Variants in LRIT2 observed in about 807,000 individuals in gnomAD.
The protein encoded by LRIT2 is leucine-rich repeat, immunoglobulin-like domain and transmembrane domain-containing protein 2.
A neutral mutation model predicts 22.4 loss-of-function variants in LRIT2; 23 were observed. That is an observed-to-expected ratio of 1.03 (90% CI 0.74 to 1.45). The LOEUF is 1.45. Among genes scored for constraint, LRIT2 ranks in the 40% most tolerant of loss-of-function variants. The pLI, the probability that LRIT2 is intolerant of heterozygous loss-of-function variation, is 0.00. For missense variants in LRIT2, 784 were observed against 665.6 expected, an observed-to-expected ratio of 1.18 and a Z score of -1.96; for synonymous variants, 291 against 267.1, an observed-to-expected ratio of 1.09 and a Z score of -0.87.
In LRIT2 at chr10:84,224,830, A is replaced by C. The variant is rs1019255417; in HGVS notation, c.395T>G (p.Leu132Trp). The change falls in exon 2 of 3, where the codon TTG (leucine) becomes TGG (tryptophan). Residue 132 changes from leucine to tryptophan, a missense_variant. Transcript: ENST00000372113. ...ATCAATCTTGTTGCGTTTGAGATCC[A>C]AGACCCTCAGGAGAGGGGTGGCACG... ...AFRATPLLRV[L>W]DLKRNKIDAL... 2 of 1,614,136 alleles carry C rather than the reference A, an allele frequency of 1.2e-6. No homozygotes were observed. The highest frequency in any genetic ancestry group is 1.7e-5 in the Admixed American group (1 of 60,016).
At chr10:84,225,275 A>G in intron 1 of LRIT2, 136 bp downstream of exon 1, 1 of 1,237,624 alleles carries the variant, frequency 8.1e-7, no homozygotes, top group Non-Finnish European at 1.1e-6. Context: ...AGTTCAGCAA[A>G]GTTCAGTCCC....
rs746829550 is a variant in LRIT2 at position 84,224,848 on chromosome 10, G to C, written c.377C>G (p.Thr126Ser). The C allele has an allele frequency of 6.2e-7, 1 of 1,614,136 alleles. No individual in the cohort carries two copies. The highest frequency in any genetic ancestry group is 8.5e-7 in the Non-Finnish European group (1 of 1,180,042). The part of the protein sequence containing the change: ...CSVPWTAFRA[T>S]PLLRVLDLKR... ...GAGATCCAAGACCCTCAGGAGAGGG[G>C]TGGCACGGAACGCTGTCCATGGTAC... Residue 126 changes from threonine to serine, a missense_variant, in exon 2 of 3, where the codon ACC becomes AGC. By Grantham distance (58) the Thr-to-Ser change is moderately conservative. Coordinates refer to ENST00000372113, the MANE Select transcript of LRIT2 (RefSeq NM_001017924.5).
rs749914729 is a variant in LRIT2 at position 84,224,905 on chromosome 10, T to A, written c.320A>T (p.Glu107Val). Residue 107 changes from glutamate (E) to valine (V), a missense_variant, in exon 2 of 3, where the codon GAG becomes GTG. Coordinates refer to ENST00000372113, the MANE Select transcript of LRIT2 (RefSeq NM_001017924.5). ...GALEHLPELR[E>V]LRLEGNKLCS... ...GAGCTTGTTCCCCTCCAGTCTCAGCTCCCTCAGTTCTGGCAGGTGTTCCAG... is the reference window on the plus strand; with the variant it reads ...GAGCTTGTTCCCCTCCAGTCTCAGCACCCTCAGTTCTGGCAGGTGTTCCAG... The A allele has an allele frequency of 6.2e-7, 1 of 1,614,088 alleles. No individual in the cohort carries two copies. Among genetic ancestry groups the A allele is most frequent in the South Asian group, 1.1e-5 (1 of 91,080 alleles).
rs138269963 is a variant in LRIT2 at position 84,224,845 on chromosome 10, G to A, written c.380C>T (p.Pro127Leu). The A allele has an allele frequency of 5.0e-6, 8 of 1,613,960 alleles. No individual in the cohort carries two copies. Among genetic ancestry groups the A allele is most frequent in the African/African-American group, 4.0e-5 (3 of 74,892 alleles). ...TTTGAGATCCAAGACCCTCAGGAGA[G>A]GGGTGGCACGGAACGCTGTCCATGG... ...SVPWTAFRAT[P>L]LLRVLDLKRN... The change falls in exon 2 of 3, where the codon CCT (proline) becomes CTT (leucine). Residue 127 changes from proline to leucine, a missense_variant. Pro to Leu is a moderately conservative substitution (Grantham distance 98, BLOSUM62 -3). Coordinates refer to ENST00000372113, the MANE Select transcript of LRIT2 (RefSeq NM_001017924.5).
At position 84,221,526 on chromosome 10, in the gene LRIT2, T is replaced by G. The variant is rs1842504834; in HGVS notation, c.*394A>C. 6.4e-6 allele frequency: 1 copy of G among 155,416 alleles called. No individual in the cohort carries two copies. The allele number at this position is 155,416 out of a possible 1,614,324, so 9.6% of individuals were successfully genotyped here. On this transcript the variant is annotated 3_prime_UTR_variant, in exon 3 of 3. Coordinates refer to ENST00000372113, the MANE Select transcript of LRIT2 (RefSeq NM_001017924.5). ...TGTCCAGGCTGCAGTTTTTCACCTA[T>G]AAAAAGTGGGTAGAAGTCTACCTTC...
At position 84,224,550 on chromosome 10, in the gene LRIT2, C is replaced by T. The variant is rs912332942; in HGVS notation, c.675G>A (p.Val225=). The T allele has an allele frequency of 6.2e-7, 1 of 1,614,002 alleles. No individual in the cohort carries two copies. Among genetic ancestry groups the T allele is most frequent in the South Asian group, 1.1e-5 (1 of 91,054 alleles). Residue 225 remains valine, a synonymous_variant, in exon 2 of 3, where the codon GTG becomes GTA. Transcript: ENST00000372113. ...GGCCCTGACATATCAGGTAGGAATT[C>T]ACCAGGATGACTGGGAGGGTAATGG... ...VKSITLPVIL[V]NSYLICQGPL...
chr10:84,224,245 C>T, intron 2 of LRIT2, 88 bp downstream of exon 2: 4 of 1,389,080 alleles, frequency 2.9e-6, no homozygotes, highest in Admixed American at 2.4e-5. Flanking sequence ...TCGTGACTGA[C>T]CCAGCTTTGA....
rs1345599136 is a variant in LRIT2 at position 84,220,979 on chromosome 10, G to A, written c.*941C>T. The stretch of plus-strand genomic sequence containing the variant: ...TGGTCTCCCCTAGAAGGGCTGTTCA[G>A]TGGGATGATGAGCTGATGTTGGGAT... On this transcript the variant is annotated 3_prime_UTR_variant, in exon 3 of 3. Transcript: ENST00000372113. 1 of 152,252 alleles carries A rather than the reference G, an allele frequency of 6.6e-6. No homozygotes were observed. The highest frequency in any genetic ancestry group is 1.5e-5 in the Non-Finnish European group (1 of 68,038). 9.4% of individuals were successfully genotyped at this position (152,252 alleles called of 1,614,324 possible). A position where few individuals can be genotyped will look rare whatever the true frequency, so the allele number is the denominator to read the frequency against.
At position 84,225,133 on chromosome 10, in the gene LRIT2, C is replaced by T; in HGVS notation, c.111-19G>A. 1 of 1,586,238 alleles carries T rather than the reference C, an allele frequency of 6.3e-7. No individual in the cohort carries two copies. On this transcript the variant is annotated intron_variant, in intron 1 of 2. Transcript: ENST00000372113. ...CAGAGTCCTGTACAAGAAACCAGAA[C>T]AGCTTTAAGATAAACAACAGGGGAC...
chr10:84,221,743 CA>C lies in LRIT2; in HGVS notation c.*176del. 2.2e-6 allele frequency: 1 copy of C among 464,604 alleles called. No homozygotes were observed. The highest frequency in any genetic ancestry group is 3.7e-6 in the Non-Finnish European group (1 of 269,178). 28.8% of individuals were successfully genotyped at this position (464,604 alleles called of 1,614,324 possible). Reference sequence around the variant, plus strand: ...AAGATAATGACTATGTCCCCTTTATCATGAAGATAAAGACTCTGTTTCCCTT... The same window carrying C: ...AAGATAATGACTATGTCCCCTTTATCTGAAGATAAAGACTCTGTTTCCCTT... On this transcript the variant is annotated 3_prime_UTR_variant, in exon 3 of 3. Transcript: ENST00000372113.
rs534450345 is a variant in LRIT2 at position 84,224,196 on chromosome 10, A to C, written c.892+137T>G. 3.1e-4 allele frequency: 243 copies of C among 775,894 alleles called. No individual in the cohort carries two copies. The African/African-American group carries it at 3.7e-3, about 12-fold the overall frequency. The allele number at this position is 775,894 out of a possible 1,614,324, so 48.1% of individuals were successfully genotyped here. On this transcript the variant is annotated intron_variant, in intron 2 of 2. Coordinates refer to ENST00000372113, the MANE Select transcript of LRIT2 (RefSeq NM_001017924.5). ...TGAAATCTTTTCTGTTCTAGTGAGCATAATTCAGGGCTATCCCAATCTTAC... is the reference window on the plus strand; with the variant it reads ...TGAAATCTTTTCTGTTCTAGTGAGCCTAATTCAGGGCTATCCCAATCTTAC...
At position 84,221,598 on chromosome 10, in the gene LRIT2, T is replaced by C. The variant is rs1842505622; in HGVS notation, c.*322A>G. The C allele has an allele frequency of 9.9e-6, 2 of 202,922 alleles. No individual in the cohort carries two copies. The highest frequency in any genetic ancestry group is 3.2e-4 in the South Asian group (2 of 6,154). 12.6% of individuals were successfully genotyped at this position (202,922 alleles called of 1,614,324 possible). On this transcript the variant is annotated 3_prime_UTR_variant, in exon 3 of 3. Coordinates refer to ENST00000372113, the MANE Select transcript of LRIT2 (RefSeq NM_001017924.5). ...AAATATTATACGTAGACATTACGTA[T>C]AAGCATGTAAATGTTATAGGCTAAG...
rs1842506052 is a variant in LRIT2 at position 84,221,641 on chromosome 10, A to G, written c.*279T>C. 3.3e-6 allele frequency: 1 copy of G among 306,616 alleles called. No homozygotes were observed. Among genetic ancestry groups the G allele is most frequent in the Non-Finnish European group, 6.0e-6 (1 of 166,140 alleles). The allele number at this position is 306,616 out of a possible 1,614,324, so 19.0% of individuals were successfully genotyped here. A position where few individuals can be genotyped will look rare whatever the true frequency, so the allele number is the denominator to read the frequency against. ...AGGCTAAGTATATGCAAAGAGTAAT[A>G]TTTAGTGATTTCTAATCACCATGTA... On this transcript the variant is annotated 3_prime_UTR_variant, in exon 3 of 3. Coordinates refer to ENST00000372113, the MANE Select transcript of LRIT2 (RefSeq NM_001017924.5).
intron 2 of LRIT2, among the ~76,000 whole-genome samples, 178 bp downstream of exon 2, chr10:84,224,155 T>C (rs1842537591): frequency 6.6e-6 from 1 of 152,234 alleles, no homozygotes; most frequent in Non-Finnish European, 1.5e-5. Flanking sequence ...ATAATGCCAA[T>C]AGTGGAACAC....
At chr10:84,225,548 G>A, upstream of LRIT2, 1 of 1,608,988 alleles carries the variant, frequency 6.2e-7, no homozygotes, top group Non-Finnish European at 8.5e-7. Context: ...TACGTTGTGA[G>A]TTTTGAATAA....
At position 84,225,450 on chromosome 10, in the gene LRIT2, C is replaced by G. The variant is rs1243638525; in HGVS notation, c.71G>C (p.Cys24Ser). Residue 24 changes from cysteine (C) to serine (S), a missense_variant, in exon 1 of 3, where the codon TGT (cysteine) becomes TCT (serine). Coordinates refer to ENST00000372113, the MANE Select transcript of LRIT2 (RefSeq NM_001017924.5). ...FLDTHAAQPF[C>S]LPGCTCSEES... ...CTCTGAGCAAGTGCATCCTGGCAGA[C>G]AGAAAGGCTGAGCTGCGTGTGTATC... is the stretch of plus-strand genomic sequence containing the variant. The G allele has an allele frequency of 1.2e-6, 2 of 1,614,102 alleles. No homozygotes were observed. The highest frequency in any genetic ancestry group is 2.7e-5 in the African/African-American group (2 of 74,938).
rs1842492166 is a variant in LRIT2, at chr10:84,220,591, A to C, written c.*1329T>G. The C allele has an allele frequency of 6.6e-6, 1 of 152,146 alleles. No individual in the cohort carries two copies. Among genetic ancestry groups the C allele is most frequent in the Non-Finnish European group, 1.5e-5 (1 of 68,038 alleles). 9.4% of individuals were successfully genotyped at this position (152,146 alleles called of 1,614,324 possible). A position where few individuals can be genotyped will look rare whatever the true frequency, so the allele number is the denominator to read the frequency against. On this transcript the variant is annotated 3_prime_UTR_variant, in exon 3 of 3. Coordinates refer to ENST00000372113, the MANE Select transcript of LRIT2 (RefSeq NM_001017924.5). Reference sequence around the variant, plus strand: ...TAGTCTGAAAATGAGAGCCATCTTCAATTTTTTAAAATTTATTGTTAACTA... The same window carrying C: ...TAGTCTGAAAATGAGAGCCATCTTCCATTTTTTAAAATTTATTGTTAACTA...
In LRIT2 at chr10:84,222,588, C is replaced by T. The variant is rs780261945; in HGVS notation, c.985G>A (p.Ala329Thr). Residue 329 changes from alanine to threonine, a missense_variant, in exon 3 of 3, where the codon GCC (alanine) becomes ACC (threonine). Ala to Thr is a moderately conservative substitution (Grantham distance 58). Transcript: ENST00000372113. ...TTGCTCTTGCCAATGGAGTTGGAGG[C>T]CATGCAGGTGTAATTACCACTGTCT... is the stretch of plus-strand genomic sequence containing the variant. ...LVDSGNYTCM[A>T]SNSIGKSNLV... The T allele has an allele frequency of 3.4e-5, 55 of 1,613,894 alleles. No homozygotes were observed. The highest frequency in any genetic ancestry group is 6.7e-5 in the African/African-American group (5 of 74,858).
rs759197949 is a variant in LRIT2, at chr10:84,224,547, A to G, written c.678T>C (p.Asn226=). 5.3e-5 allele frequency: 85 copies of G among 1,613,978 alleles called. No individual in the cohort carries two copies. The Middle Eastern group carries it at 1.2e-3, about 22-fold the overall frequency. ...KSITLPVILV[N]SYLICQGPLS... is the part of the protein sequence containing the mutation. ...GAGGGCCCTGACATATCAGGTAGGA[A>G]TTCACCAGGATGACTGGGAGGGTAA... Residue 226 remains asparagine (N), a synonymous_variant, in exon 2 of 3, where the codon AAT becomes AAC. Transcript: ENST00000372113.
Sources: allele counts gnomAD v4.1 joint callset (sites outside exome capture counted in the v4.1 genomes callset), GRCh38; gene constraint gnomAD v4.1.1; transcripts MANE v1.5; gene names NCBI Gene and HGNC (gene_info 2026-07-23, HGNC 2026-07-21).